UNC13C: variants seen among roughly 807,000 people sequenced by gnomAD.
UNC13C encodes unc-13 homolog C, also known as protein unc-13 homolog C.
Under a neutral mutation model 245.4 loss-of-function variants are expected in UNC13C, and 174 were observed. That is an observed-to-expected ratio of 0.71 (90% confidence interval 0.63 to 0.80). UNC13C has a LOEUF of 0.80. UNC13C is among the 30% of genes least tolerant of loss of function. The pLI, the probability that UNC13C is intolerant of heterozygous loss-of-function variation, is 0.00. For missense variants in UNC13C, 2,829 were observed against 2,602.9 expected, an observed-to-expected ratio of 1.09 and a Z score of -1.89; for synonymous variants, 992 against 895.1, an observed-to-expected ratio of 1.11 and a Z score of -1.93.
chr15:53,952,698 G>C, the UNC13C span, among the ~76,000 whole-genome samples: 1 of 152,134 alleles, frequency 6.6e-6, no homozygotes. Context: ...TTAGGAATCC[G>C]CTGTGCTGGC....
At chr15:54,018,754 C>T (rs894237659) in intron 2 of UNC13C, among the ~76,000 whole-genome samples, 3 of 152,180 alleles carry the variant, frequency 2.0e-5, no homozygotes, top group Non-Finnish European at 2.9e-5. Context: ...CACACTGACT[C>T]TCATATTTAT....
intron 17 of UNC13C, among the ~76,000 whole-genome samples, chr15:54,370,429 G>C (rs1449305093): frequency 6.6e-6 from 1 of 152,040 alleles, no homozygotes; most frequent in Non-Finnish European, 1.5e-5. Context: ...TTACTTACTT[G>C]TCATTAAGCC....
chr15:53,899,606 G>A, the UNC13C span, among the ~76,000 whole-genome samples: 4 of 152,016 alleles, frequency 2.6e-5, no homozygotes, highest in Middle Eastern at 3.4e-3. Context: ...TTTTTAGACG[G>A]AGTTTCACTC....
chr15:53,916,540 A>T, the UNC13C span, among the ~76,000 whole-genome samples: 1 of 152,182 alleles, frequency 6.6e-6, no homozygotes, highest in Non-Finnish European at 1.5e-5. Context: ...GAAAACTGAG[A>T]CATAGCAGTA....
intron 2 of UNC13C, among the ~76,000 whole-genome samples, chr15:54,060,590 C>T (rs1185115999): frequency 2.7e-5 from 4 of 149,376 alleles, no homozygotes; most frequent in South Asian, 2.2e-4. Context: ...ACTAGAAATA[C>T]CATTTGACCC....
chr15:54,003,744 G>A (rs776718157), intron 1 of UNC13C, among the ~76,000 whole-genome samples: 4 of 152,156 alleles, frequency 2.6e-5, no homozygotes, highest in Admixed American at 6.5e-5. Flanking sequence ...CGGGCGCGGT[G>A]GCTTAAGCCT....
chr15:54,210,833 C>T (rs2034857575), intron 4 of UNC13C, among the ~76,000 whole-genome samples: 1 of 152,112 alleles, frequency 6.6e-6, no homozygotes, highest in South Asian at 2.1e-4. Context: ...CCAGTTCCCA[C>T]AGGATGACTT....
At chr15:54,362,959 T>C (rs1230650352) in intron 17 of UNC13C, among the ~76,000 whole-genome samples, 2 of 152,038 alleles carry the variant, frequency 1.3e-5, no homozygotes, top group African/African-American at 4.8e-5. Flanking sequence ...TGGGGCATGG[T>C]GATGGACAAA....
rs376440159 is a variant in UNC13C at position 54,544,889 on chromosome 15, T to C, written c.5697-1833T>C. Among the ~76,000 whole-genome samples the C allele has an allele frequency of 4.6e-5, 7 of 152,304 alleles. No individual in the cohort carries two copies. In the South Asian group the frequency reaches 6.2e-4, roughly 14 times the overall value. On this transcript the variant is annotated intron_variant, in intron 26 of 32. Coordinates refer to ENST00000260323, the MANE Select transcript of UNC13C (RefSeq NM_001080534.3). ...CATACTGCCCAAAGTAATTTATCAA[T>C]TCAATGCTATCCCCATCAAGCTACC...
intron 2 of UNC13C, among the ~76,000 whole-genome samples, chr15:54,093,332 G>C (rs1899671196): frequency 6.6e-6 from 1 of 152,116 alleles, no homozygotes; most frequent in South Asian, 2.1e-4. Context: ...TTCTCAGCAT[G>C]CTTAGTTTTA....
intron 13 of UNC13C, among the ~76,000 whole-genome samples, chr15:54,310,918 C>T (rs2037855652): frequency 6.6e-6 from 1 of 151,488 alleles, no homozygotes; most frequent in Non-Finnish European, 1.5e-5. Context: ...TTCCTTCAAC[C>T]ATCCAAGAAA....
intron 13 of UNC13C, among the ~76,000 whole-genome samples, chr15:54,320,107 T>C (rs940367621): frequency 1.3e-5 from 2 of 151,970 alleles, no homozygotes; most frequent in African/African-American, 4.8e-5. Flanking sequence ...TCATACAAAC[T>C]GGACTCAAGT....
intron 10 of UNC13C, among the ~76,000 whole-genome samples, chr15:54,286,366 T>C (rs943433798): frequency 5.3e-5 from 8 of 152,162 alleles, no homozygotes; most frequent in African/African-American, 1.7e-4. Flanking sequence ...GTGAAGTATA[T>C]TTTAGTTGCT....
the UNC13C span, among the ~76,000 whole-genome samples, chr15:53,901,631 A>C: frequency 6.6e-6 from 1 of 152,118 alleles, no homozygotes; most frequent in Non-Finnish European, 1.5e-5. Context: ...ATAATGTTGA[A>C]ATTAACATTT....
chr15:54,453,676 AAT>A (rs2141012360), intron 19 of UNC13C, among the ~76,000 whole-genome samples: 1 of 152,320 alleles, frequency 6.6e-6, no homozygotes, highest in South Asian at 2.1e-4. Context: ...TACCTTTTGA[AAT>A]ATATTGACAA....
intron 30 of UNC13C, among the ~76,000 whole-genome samples, chr15:54,612,245 G>C (rs1013449308): frequency 6.6e-6 from 1 of 150,938 alleles, no homozygotes; most frequent in Middle Eastern, 3.4e-3. Context: ...TTAGGTGGTT[G>C]TATTTGTTTA....
intron 17 of UNC13C, 30 bp from the exon 18 acceptor site, chr15:54,393,018 C>A (rs766882590): frequency 1.3e-6 from 2 of 1,535,684 alleles, no homozygotes. Flanking sequence ...TTAACCTTTT[C>A]TTTTGCATGT....
At chr15:53,860,271 A>G in the UNC13C span, among the ~76,000 whole-genome samples, 1 of 151,950 alleles carries the variant, frequency 6.6e-6, no homozygotes, top group Non-Finnish European at 1.5e-5. Flanking sequence ...ACATGATATC[A>G]TTTTCAAGCA....
rs902926092 is a variant in UNC13C, at chr15:54,494,555, C to G, written c.4934-53C>G. 8 of 1,460,054 alleles carry G rather than the reference C, an allele frequency of 5.5e-6. No individual in the cohort carries two copies. The Admixed American group carries it at 2.0e-4, about 37-fold the overall frequency. The allele number at this position is 1,460,054 out of a possible 1,614,324, so 90.4% of individuals were successfully genotyped here. A position where few individuals can be genotyped will look rare whatever the true frequency, so the allele number is the denominator to read the frequency against. The stretch of plus-strand genomic sequence containing the variant: ...TTAATAAAAATAGATTGGAACATAG[C>G]AGCATTGTTGGCAAACCAAGCTTTA... On this transcript the variant is annotated intron_variant, in intron 19 of 32. Transcript: ENST00000260323.
Sources: allele counts gnomAD v4.1 joint callset (sites outside exome capture counted in the v4.1 genomes callset), GRCh38; gene constraint gnomAD v4.1.1; transcripts MANE v1.5; gene names NCBI Gene and HGNC (gene_info 2026-07-23, HGNC 2026-07-21).